Variants in NRG1 observed in about 807,000 individuals in gnomAD.
The protein encoded by NRG1 is neuregulin 1.
A neutral mutation model predicts 63.8 loss-of-function variants in NRG1; 18 were observed. That is an observed-to-expected ratio of 0.28 (90% CI 0.19 to 0.42). NRG1 has a LOEUF of 0.42. Ranked by LOEUF, NRG1 falls within the 10% of genes least tolerant of loss-of-function variation. NRG1 has a pLI of 1.00. For missense variants in NRG1, 762 were observed against 814.7 expected (o/e 0.94, Z 0.79); for synonymous variants, 302 against 301.3 (o/e 1.00, Z -0.02).
rs536314338 is a variant in NRG1, at chr8:31,731,474, A to C, written c.37+92043A>C. Among the ~76,000 whole-genome samples the C allele has an allele frequency of 1.3e-4, 19 of 151,910 alleles. No homozygotes were observed. In the South Asian group the frequency reaches 3.5e-3, roughly 28 times the overall value. On this transcript the variant is annotated intron_variant, in intron 1 of 10. Transcript: ENST00000519301. ...TTACAAAAACCAAAATATATGTATG[A>C]TATGTATTGTTTTACACATGGAGAG...
rs1833390919 is a variant in NRG1 at position 32,548,474 on chromosome 8, C to T, written c.-253C>T. The T allele has an allele frequency of 8.4e-7, 1 of 1,188,422 alleles. No homozygotes were observed. The highest frequency in any genetic ancestry group is 1.0e-6 in the Non-Finnish European group (1 of 961,830). The allele number at this position is 1,188,422 out of a possible 1,614,324, so 73.6% of individuals were successfully genotyped here. Reference sequence around the variant, plus strand: ...AGCCGCCAGCGGTGGGACCCATCGACGACTTCCCGGGGCGACAGGAGCAGC... The same window carrying T: ...AGCCGCCAGCGGTGGGACCCATCGATGACTTCCCGGGGCGACAGGAGCAGC... On this transcript the variant is annotated 5_prime_UTR_variant, in exon 1 of 12. In the 5' UTR this introduces an upstream ATG that the reference lacks. Coordinates refer to ENST00000356819, the Ensembl canonical transcript of NRG1.
chr8:31,737,853 C>T (rs1814847345), intron 1 of NRG1, among the ~76,000 whole-genome samples: 1 of 151,968 alleles, frequency 6.6e-6, no homozygotes, highest in African/African-American at 2.4e-5. Context: ...CTGGCCTTTC[C>T]CCTTGAAATC....
At chr8:31,814,381 G>T (rs938972084) in intron 1 of NRG1, among the ~76,000 whole-genome samples, 1 of 152,132 alleles carries the variant, frequency 6.6e-6, no homozygotes, top group Non-Finnish European at 1.5e-5. Flanking sequence ...AATCTCTTTG[G>T]ACCTCAGTTA....
chr8:31,792,563 C>T (rs1965364), intron 1 of NRG1, among the ~76,000 whole-genome samples: 22,342 of 152,192 alleles, frequency 0.15, 1,788 homozygotes, highest in Admixed American at 0.21. Context: ...AAAATTGTTT[C>T]ATTAATAGAT....
At chr8:32,526,417 A>T (rs930692753) in intron 1 of NRG1, among the ~76,000 whole-genome samples, 1 of 152,204 alleles carries the variant, frequency 6.6e-6, no homozygotes, top group African/African-American at 2.4e-5. Flanking sequence ...TGTGTGACAT[A>T]ATCACAGAAA....
intron 11 of NRG1, chr8:32,763,176 C>A: frequency 1.3e-6 from 2 of 1,595,784 alleles, no homozygotes; most frequent in South Asian, 2.2e-5. Flanking sequence ...ACACTGTTGT[C>A]AGGAATAAAT....
chr8:31,948,784 T>C (rs1395595448), intron 1 of NRG1, among the ~76,000 whole-genome samples: 2 of 152,110 alleles, frequency 1.3e-5, no homozygotes, highest in East Asian at 3.9e-4. Context: ...CTGTAGGTGA[T>C]TCATGCCACG....
At chr8:31,650,112 G>C (rs1239699051) in intron 1 of NRG1, among the ~76,000 whole-genome samples, 1 of 152,116 alleles carries the variant, frequency 6.6e-6, no homozygotes, top group Non-Finnish European at 1.5e-5. Context: ...CAAGTAGCTG[G>C]TATCACAGGC....
At chr8:32,553,653 A>G (rs1485846435) in intron 1 of NRG1, among the ~76,000 whole-genome samples, 1 of 152,066 alleles carries the variant, frequency 6.6e-6, no homozygotes, top group African/African-American at 2.4e-5. Context: ...TGATGCTTAA[A>G]CCTCACTTTA....
intron 1 of NRG1, among the ~76,000 whole-genome samples, chr8:31,998,309 T>C (rs1230563156): frequency 6.6e-6 from 1 of 151,996 alleles, no homozygotes; most frequent in Non-Finnish European, 1.5e-5. Context: ...TTACTGAACA[T>C]TTTTTATGTT....
At chr8:32,480,200 G>A (rs1325255033) in intron 1 of NRG1, among the ~76,000 whole-genome samples, 1 of 152,014 alleles carries the variant, frequency 6.6e-6, no homozygotes, top group African/African-American at 2.4e-5. Flanking sequence ...AAAGTAAAAT[G>A]GCAGAAGCAA....
Position 32,475,872 on chromosome 8 carries a change from A to G in NRG1, c.38-119956A>G, listed in dbSNP as rs563420427. Among the ~76,000 whole-genome samples the G allele has an allele frequency of 2.6e-5, 4 of 152,336 alleles. No homozygotes were observed. In the South Asian group the frequency reaches 8.3e-4, roughly 32 times the overall value. On this transcript the variant is annotated intron_variant, in intron 1 of 10. Coordinates refer to the NRG1 transcript ENST00000519301. Reference sequence around the variant, plus strand: ...GTTATTTGCAATAAAAATTATTAATATTGTAGAACATGTATTGATCCTATG... The same window carrying G: ...GTTATTTGCAATAAAAATTATTAATGTTGTAGAACATGTATTGATCCTATG...
chr8:32,199,034 C>T (rs1345921535), intron 1 of NRG1, among the ~76,000 whole-genome samples: 3 of 152,056 alleles, frequency 2.0e-5, no homozygotes, highest in Admixed American at 1.3e-4. Context: ...AAGTAGTAGA[C>T]TATGACCGCT....
intron 5 of NRG1, among the ~76,000 whole-genome samples, chr8:32,675,167 T>C (rs1369182986): frequency 1.3e-5 from 2 of 152,226 alleles, no homozygotes; most frequent in Non-Finnish European, 2.9e-5. Flanking sequence ...TTTATATATG[T>C]TCTGGTGAAA....
intron 1 of NRG1, among the ~76,000 whole-genome samples, chr8:32,141,425 G>A (rs557361852): frequency 5.3e-5 from 8 of 151,382 alleles, no homozygotes; most frequent in Admixed American, 2.6e-4. Context: ...CATGTTTCTC[G>A]TCTTTCGTTT....
intron 1 of NRG1, among the ~76,000 whole-genome samples, chr8:32,282,923 G>T (rs1052318797): frequency 6.6e-6 from 1 of 152,052 alleles, no homozygotes; most frequent in African/African-American, 2.4e-5. Context: ...AAAGGCATTT[G>T]GTGTTGCTTA....
At chr8:32,020,030 C>T (rs985867538) in intron 1 of NRG1, among the ~76,000 whole-genome samples, 5 of 152,130 alleles carry the variant, frequency 3.3e-5, no homozygotes, top group African/African-American at 1.2e-4. Context: ...CATGCCTACC[C>T]CCCAAAATAA....
chr8:32,196,065 C>G (rs1421576779), intron 1 of NRG1, among the ~76,000 whole-genome samples: 1 of 151,522 alleles, frequency 6.6e-6, no homozygotes, highest in Admixed American at 6.6e-5. Context: ...TACTTTTGTA[C>G]TAACCTAATA....
chr8:31,742,454 A>ATTTT (rs1563349398), intron 1 of NRG1, among the ~76,000 whole-genome samples: 3 of 43,264 alleles, frequency 6.9e-5, no homozygotes, highest in African/African-American at 2.4e-4. Flanking sequence ...CTTTTTTAAG[A>ATTTT]ATTTTTTTTT....
Sources: allele counts gnomAD v4.1 joint callset (sites outside exome capture counted in the v4.1 genomes callset), GRCh38; gene constraint gnomAD v4.1.1; transcripts MANE v1.5; gene names NCBI Gene and HGNC (gene_info 2026-07-23, HGNC 2026-07-21).